RAB11FIP3: variants seen among roughly 807,000 people sequenced by gnomAD.
RAB11FIP3 encodes the protein rab11 family-interacting protein 3.
RAB11FIP3 carries 17 observed loss-of-function variants against 77.8 expected under a neutral mutation model. The ratio of observed to expected loss-of-function variants is 0.22; its 90% CI spans 0.15 to 0.33. The LOEUF is 0.33. RAB11FIP3 is among the 10% of genes least tolerant of loss of function. RAB11FIP3 has a pLI of 1.00. For missense variants in RAB11FIP3, 1,005 were observed against 1,011.2 expected, an observed-to-expected ratio of 0.99 and a Z score of 0.08; for synonymous variants, 437 against 448.2, an observed-to-expected ratio of 0.98 and a Z score of 0.31.
At chr16:473,347 T>C (rs1343094973) in intron 3 of RAB11FIP3, among the ~76,000 whole-genome samples, 1 of 152,242 alleles carries the variant, frequency 6.6e-6, no homozygotes, top group Non-Finnish European at 1.5e-5. Context: ...CTTAAAAAAA[T>C]GAATATGCTT....
chr16:493,808 T>TGTTAGCCAAGATG (rs1181932190), intron 5 of RAB11FIP3, among the ~76,000 whole-genome samples: 1 of 147,140 alleles, frequency 6.8e-6, no homozygotes, highest in Non-Finnish European at 1.5e-5. Flanking sequence ...GGTTTCACCA[T>TGTTAGCCAAGATG]GTCTCAATCT....
At chr16:513,752 G>C (rs2032286815) in intron 9 of RAB11FIP3, among the ~76,000 whole-genome samples, 2 of 152,196 alleles carry the variant, frequency 1.3e-5, no homozygotes, top group Non-Finnish European at 2.9e-5. Flanking sequence ...TTTCAAAACT[G>C]GTGGCAGGAA....
Position 521,726 on chromosome 16 carries a change from G to A in RAB11FIP3, c.*887G>A, listed in dbSNP as rs1196802427. The A allele has an allele frequency of 6.6e-6, 1 of 152,336 alleles. No individual in the cohort carries two copies. The highest frequency in any genetic ancestry group is 2.4e-5 in the African/African-American group (1 of 41,454). The allele number at this position is 152,336 out of a possible 1,614,324, so 9.4% of individuals were successfully genotyped here. A position where few individuals can be genotyped will look rare whatever the true frequency, so the allele number is the denominator to read the frequency against. On this transcript the variant is annotated 3_prime_UTR_variant, in exon 14 of 14. Coordinates refer to ENST00000262305, the MANE Select transcript of RAB11FIP3 (RefSeq NM_014700.4). ...TGCTGCTTCTCCACAGGTGCGGCCT[G>A]GCCCGGCCTCCTAAAGGCCACACCC...
intron 1 of RAB11FIP3, among the ~76,000 whole-genome samples, chr16:459,492 A>G (rs2055567198): frequency 6.8e-6 from 1 of 146,872 alleles, no homozygotes; most frequent in African/African-American, 2.6e-5. Flanking sequence ...GCTGGAGTGC[A>G]GTGGCACAAT....
intron 2 of RAB11FIP3, among the ~76,000 whole-genome samples, chr16:469,998 C>G (rs893819029): frequency 6.6e-6 from 1 of 151,726 alleles, no homozygotes; most frequent in Non-Finnish European, 1.5e-5. Context: ...TCTTTTCTTT[C>G]TTTCTTTTTT....
At chr16:438,359 G>A (rs2055166043) in intron 1 of RAB11FIP3, among the ~76,000 whole-genome samples, 1 of 151,104 alleles carries the variant, frequency 6.6e-6, no homozygotes, top group African/African-American at 2.4e-5. Flanking sequence ...GCCCACCTCG[G>A]CCTCCCAGAG....
chr16:464,192 G>T (rs1183566549), intron 2 of RAB11FIP3, among the ~76,000 whole-genome samples: 1 of 152,142 alleles, frequency 6.6e-6, no homozygotes. Flanking sequence ...GGCAGGAGAA[G>T]GGGGAGGAAG....
rs556762309 is a variant in RAB11FIP3, at chr16:502,981, CTGT to C, written c.1302-16_1302-14del. ...CCTGTGGTTTTTCCCTTTCTTCCCT[CTGT>C]TGTTGTGCCTTTTCTGTAGGTACCT... On this transcript the variant is annotated intron_variant, in intron 6 of 13. Coordinates refer to ENST00000262305, the MANE Select transcript of RAB11FIP3 (RefSeq NM_014700.4). The C allele has an allele frequency of 6.0e-4, 942 of 1,563,700 alleles. 5 individuals are homozygous for C. In the African/African-American group the frequency reaches 0.011, roughly 18 times the overall value.
chr16:438,964 G>A (rs2055179824), intron 1 of RAB11FIP3, among the ~76,000 whole-genome samples: 1 of 152,172 alleles, frequency 6.6e-6, no homozygotes, highest in African/African-American at 2.4e-5. Flanking sequence ...TGGGATTATA[G>A]GCGTGAACCG....
chr16:505,694 T>G lies in RAB11FIP3; in HGVS notation c.1499+67T>G. 7.7e-7 allele frequency: 1 copy of G among 1,304,016 alleles called. No individual in the cohort carries two copies. Among genetic ancestry groups the G allele is most frequent in the Non-Finnish European group, 1.1e-6 (1 of 947,306 alleles). 80.8% of individuals were successfully genotyped at this position (1,304,016 alleles called of 1,614,324 possible). A position where few individuals can be genotyped will look rare whatever the true frequency, so the allele number is the denominator to read the frequency against. On this transcript the variant is annotated intron_variant, in intron 8 of 13. Coordinates refer to ENST00000262305, the MANE Select transcript of RAB11FIP3 (RefSeq NM_014700.4). The surrounding 1 kb of genome is among the most constrained non-coding windows in gnomAD (Gnocchi z 4.0). ...CCTGTGCCCGCCTGTCAGCCCCCAT[T>G]TACTTCTCTTTACCTCACACAGCAG...
chr16:448,914 TA>T lies in RAB11FIP3; in HGVS notation c.715-12481del, dbSNP rs916997460. Among the ~76,000 whole-genome samples, 94 of 151,012 alleles carry T rather than the reference TA, an allele frequency of 6.2e-4. 1 individual carries two copies. Among genetic ancestry groups the T allele is most frequent in the South Asian group, 3.3e-3 (16 of 4,778 alleles). On this transcript the variant is annotated intron_variant, in intron 1 of 13. Coordinates refer to ENST00000262305, the MANE Select transcript of RAB11FIP3 (RefSeq NM_014700.4). ...TGGGCAACAAGAGTGAAACTCTGTCTAAAAAAAAATTGAATAACATAAATAA... is the reference window on the plus strand; with the variant it reads ...TGGGCAACAAGAGTGAAACTCTGTCTAAAAAAAATTGAATAACATAAATAA...
chr16:466,592 C>T (rs2055705221), intron 2 of RAB11FIP3, among the ~76,000 whole-genome samples: 1 of 152,236 alleles, frequency 6.6e-6, no homozygotes, highest in Admixed American at 6.5e-5. Flanking sequence ...AGCCTGGGGG[C>T]TGCCAGCTGT....
intron 1 of RAB11FIP3, among the ~76,000 whole-genome samples, chr16:452,973 C>A (rs2055433852): frequency 1.5e-5 from 1 of 66,426 alleles, no homozygotes; most frequent in Non-Finnish European, 3.0e-5. Flanking sequence ...CCAGGATGGT[C>A]TCGATCTCCT....
Position 426,050 on chromosome 16 carries a change from CG to C in RAB11FIP3, c.48del (p.Asp18ThrfsTer222). Reference sequence around the variant, plus strand: ...GCCTCGCCCCCGGGCTCGGAGCCGCCGGGGCCCGACCCGGAGCCGGGCGGGC... The same window carrying C: ...GCCTCGCCCCCGGGCTCGGAGCCGCCGGGCCCGACCCGGAGCCGGGCGGGC... Reference protein sequence around the residue: ...PPASPPGSEPPGPDPEPGGPD... With the variant: ...PPASPPGSEPXGPDPEPGGPD... On this transcript the variant is annotated frameshift_variant, in exon 1 of 14. Coordinates refer to ENST00000262305, the MANE Select transcript of RAB11FIP3 (RefSeq NM_014700.4). LOFTEE classifies it high-confidence loss of function. This position sits in a 1 kb window ranked among gnomAD's most constrained non-coding sequence, Gnocchi z 5.0. The C allele has an allele frequency of 2.0e-6, 2 of 998,166 alleles. No individual in the cohort carries two copies. The highest frequency in any genetic ancestry group is 1.8e-5 in the African/African-American group (1 of 56,988). 61.8% of individuals were successfully genotyped at this position (998,166 alleles called of 1,614,324 possible). A position where few individuals can be genotyped will look rare whatever the true frequency, so the allele number is the denominator to read the frequency against.
chr16:510,175 C>A (rs553590588), intron 8 of RAB11FIP3, among the ~76,000 whole-genome samples: 3 of 150,234 alleles, frequency 2.0e-5, no homozygotes, highest in Non-Finnish European at 1.5e-5. Context: ...CGCCCCGTCC[C>A]GAGTCCCCGT....
chr16:478,111 G>A (rs2055957262), intron 3 of RAB11FIP3, among the ~76,000 whole-genome samples: 3 of 152,104 alleles, frequency 2.0e-5, no homozygotes, highest in South Asian at 2.1e-4. Context: ...GGCCCTTCAC[G>A]TCTCTTCCAG....
At chr16:519,113 T>A in intron 10 of RAB11FIP3, 89 bp downstream of exon 10, 1 of 1,373,790 alleles carries the variant, frequency 7.3e-7, no homozygotes, top group Non-Finnish European at 1.0e-6. Context: ...AGCTCTGTGC[T>A]GAGCGGGATA....
Position 507,579 on chromosome 16 carries a change from T to G in RAB11FIP3, c.1499+1952T>G, listed in dbSNP as rs2031934794. On this transcript the variant is annotated intron_variant, in intron 8 of 13. Coordinates refer to ENST00000262305, the MANE Select transcript of RAB11FIP3 (RefSeq NM_014700.4). The surrounding 1 kb of genome is among the most constrained non-coding windows in gnomAD (Gnocchi z 4.6). The stretch of plus-strand genomic sequence containing the variant: ...CTTTGTCGAGTTGACTGTGGAGGTT[T>G]CATTTGAGTCTGGAGTATGTTCATC... Among the ~76,000 whole-genome samples, 1 of 152,208 alleles carries G rather than the reference T, an allele frequency of 6.6e-6. No homozygotes were observed. The highest frequency in any genetic ancestry group is 2.4e-5 in the African/African-American group (1 of 41,440).
At chr16:462,928 A>G (rs2055640769) in intron 2 of RAB11FIP3, among the ~76,000 whole-genome samples, 1 of 151,934 alleles carries the variant, frequency 6.6e-6, no homozygotes, top group African/African-American at 2.4e-5. Flanking sequence ...TCCCAGCACG[A>G]TCCGTTGCGT....
Sources: gnomAD v4.1 joint callset for allele counts (sites outside exome capture counted in the v4.1 genomes callset) on GRCh38, gnomAD v4.1.1 for gene constraint, Gnocchi (gnomAD v3.1) non-coding constraint, MANE v1.5 for transcripts, NCBI Gene and HGNC (gene_info 2026-07-23, HGNC 2026-07-21) for gene names.